Variants in PHF21A observed in about 807,000 individuals in gnomAD.
The protein encoded by PHF21A is BHC80a.
Under a neutral mutation model 82.5 loss-of-function variants are expected in PHF21A, and 11 were observed. The ratio of observed to expected loss-of-function variants is 0.13; its 90% CI spans 0.08 to 0.22. The LOEUF is 0.22. PHF21A is among the 10% of genes least tolerant of loss of function. The pLI, the probability that PHF21A is intolerant of heterozygous loss-of-function variation, is 1.00. For missense variants in PHF21A, 579 were observed against 837.8 expected (o/e 0.69, Z 3.81); for synonymous variants, 297 against 302.8 (o/e 0.98, Z 0.20).
chr11:45,982,723 A>G (rs927274460), intron 6 of PHF21A, among the ~76,000 whole-genome samples: 1 of 152,194 alleles, frequency 6.6e-6, no homozygotes, highest in Non-Finnish European at 1.5e-5. Context: ...CGAACTAGCT[A>G]ACGTGCAGCA....
At chr11:46,021,224 T>TA (rs1325205303) in intron 6 of PHF21A, among the ~76,000 whole-genome samples, 3 of 152,092 alleles carry the variant, frequency 2.0e-5, no homozygotes, top group African/African-American at 7.2e-5. Context: ...TATGCCTGGC[T>TA]AATTTTTTTT....
Position 45,933,082 on chromosome 11 carries a change from G to A in PHF21A, c.*886C>T, listed in dbSNP as rs533997446. The A allele has an allele frequency of 6.5e-6, 1 of 152,700 alleles. No individual in the cohort carries two copies. The highest frequency in any genetic ancestry group is 2.1e-4 in the South Asian group (1 of 4,828). The allele number at this position is 152,700 out of a possible 1,614,324, so 9.5% of individuals were successfully genotyped here. On this transcript the variant is annotated 3_prime_UTR_variant, in exon 19 of 19. Transcript: ENST00000676320. ...TTCTCTTCTTATAAATATAGAAAAG[G>A]GATGGAGCTTGTTTTCAAGTAAAAT...
chr11:46,013,277 A>T (rs190279949), intron 6 of PHF21A, among the ~76,000 whole-genome samples: 1 of 152,294 alleles, frequency 6.6e-6, no homozygotes, highest in East Asian at 1.9e-4. Context: ...TTTAAACTGC[A>T]CGCTTAGAGT....
Position 45,995,973 on chromosome 11 carries a change from C to T in PHF21A, c.154-16007G>A, listed in dbSNP as rs551609107. ...TTATTTATTTATTTAGACACAGGGT[C>T]TCCACTGTCACCCAGGCTGGAGTGC... On this transcript the variant is annotated intron_variant, in intron 6 of 18. Transcript: ENST00000676320. Among the ~76,000 whole-genome samples, 3 of 152,154 alleles carry T rather than the reference C, an allele frequency of 2.0e-5. No individual in the cohort carries two copies. In the East Asian group the frequency reaches 5.8e-4, roughly 29 times the overall value.
intron 6 of PHF21A, among the ~76,000 whole-genome samples, chr11:46,044,611 C>CT (rs1565704556): frequency 1.3e-5 from 2 of 152,156 alleles, no homozygotes. Context: ...GCTTCTGCAA[C>CT]GGTTATCCAA....
Position 46,121,235 on chromosome 11 carries a change from A to AG in PHF21A, c.-538dup, listed in dbSNP as rs1278160540. 2.9e-5 allele frequency: 2 copies of AG among 69,652 alleles called. No homozygotes were observed. Among genetic ancestry groups the AG allele is most frequent in the Non-Finnish European group, 5.8e-5 (2 of 34,542 alleles). The allele number at this position is 69,652 out of a possible 1,614,324, so 4.3% of individuals were successfully genotyped here. On this transcript the variant is annotated 5_prime_UTR_variant, in exon 1 of 19. Transcript: ENST00000676320. ...TTTCTTTCCTCCTCTTCCCCAGGCAAGGGGGGGTGGGGAGGAGGGGGTTGG... is the reference window on the plus strand; with the variant it reads ...TTTCTTTCCTCCTCTTCCCCAGGCAAGGGGGGGGTGGGGAGGAGGGGGTTGG...
chr11:45,980,481 G>A (rs550725493), intron 6 of PHF21A, among the ~76,000 whole-genome samples: 2 of 152,314 alleles, frequency 1.3e-5, no homozygotes, highest in East Asian at 3.9e-4. Context: ...TCAGAACTGT[G>A]ATTGGCACAT....
At chr11:46,002,949 A>G (rs2137072866) in intron 6 of PHF21A, among the ~76,000 whole-genome samples, 1 of 152,312 alleles carries the variant, frequency 6.6e-6, no homozygotes, top group Admixed American at 6.5e-5. Context: ...ATGAATTCAA[A>G]TAAAATGAAT....
At chr11:46,060,199 C>A (rs192493544) in intron 6 of PHF21A, among the ~76,000 whole-genome samples, 161 of 152,156 alleles carry the variant, frequency 1.1e-3, no homozygotes, top group African/African-American at 3.2e-3. Flanking sequence ...GGTCTTGCTA[C>A]GTTGGCCTGG....
At chr11:46,083,168 TAA>T (rs76595296) in intron 4 of PHF21A, among the ~76,000 whole-genome samples, 29 of 142,118 alleles carry the variant, frequency 2.0e-4, no homozygotes, top group Admixed American at 6.2e-4. Flanking sequence ...GAAGCAAAGT[TAA>T]AAAAAAAAAA....
intron 6 of PHF21A, among the ~76,000 whole-genome samples, chr11:46,020,717 C>A (rs2137815072): frequency 6.6e-6 from 1 of 152,286 alleles, no homozygotes; most frequent in African/African-American, 2.4e-5. Context: ...AATTCAAAAA[C>A]AACCTGTTTT....
At chr11:46,001,580 G>A (rs553343990) in intron 6 of PHF21A, among the ~76,000 whole-genome samples, 1 of 152,196 alleles carries the variant, frequency 6.6e-6, no homozygotes, top group South Asian at 2.1e-4. Context: ...CTGAATTTTT[G>A]TATAAGAAAA....
At chr11:45,977,205 C>T (rs1337462087) in intron 7 of PHF21A, among the ~76,000 whole-genome samples, 2 of 147,268 alleles carry the variant, frequency 1.4e-5, no homozygotes, top group African/African-American at 5.1e-5. Context: ...AGTACGATCT[C>T]GGCTCACTGG....
intron 6 of PHF21A, among the ~76,000 whole-genome samples, chr11:46,024,560 G>C (rs958388897): frequency 2.0e-5 from 3 of 152,112 alleles, no homozygotes; most frequent in Admixed American, 6.6e-5. Context: ...AGGACTTTGG[G>C]AGGCCGAGGC....
intron 6 of PHF21A, among the ~76,000 whole-genome samples, chr11:46,006,406 T>A (rs2095296006): frequency 6.6e-6 from 1 of 152,248 alleles, no homozygotes; most frequent in Non-Finnish European, 1.5e-5. Context: ...ATATTGCAAC[T>A]TGTTATAGTT....
intron 5 of PHF21A, among the ~76,000 whole-genome samples, chr11:46,078,229 C>T (rs532755529): frequency 6.6e-6 from 1 of 152,312 alleles, no homozygotes; most frequent in South Asian, 2.1e-4. Context: ...ATAGTTAGAC[C>T]TGAGTTCTCA....
intron 9 of PHF21A, among the ~76,000 whole-genome samples, chr11:45,968,909 C>T (rs1379329699): frequency 7.7e-6 from 1 of 129,316 alleles, no homozygotes; most frequent in Non-Finnish European, 1.6e-5. Context: ...CCAGCCTGTG[C>T]GATGGGAGCG....
intron 6 of PHF21A, among the ~76,000 whole-genome samples, chr11:45,993,890 G>A (rs2094808852): frequency 6.6e-6 from 1 of 152,048 alleles, no homozygotes. Context: ...GTGCCTATCT[G>A]AGATGAATTT....
intron 6 of PHF21A, among the ~76,000 whole-genome samples, chr11:46,004,507 T>G (rs1024500057): frequency 2.0e-5 from 3 of 152,182 alleles, no homozygotes; most frequent in Non-Finnish European, 2.9e-5. Context: ...ACTTAAAACA[T>G]GTAAGTGACA....
Sources: gnomAD v4.1 joint callset for allele counts (sites outside exome capture counted in the v4.1 genomes callset) on GRCh38, gnomAD v4.1.1 for gene constraint, MANE v1.5 for transcripts, NCBI Gene and HGNC (gene_info 2026-07-23, HGNC 2026-07-21) for gene names.